BRD8: variants seen among roughly 807,000 people sequenced by gnomAD.
The protein encoded by BRD8 is bromodomain-containing protein 8.
Under a neutral mutation model 143.1 loss-of-function variants are expected in BRD8, and 67 were observed. That is an observed-to-expected ratio of 0.47 (90% CI 0.38 to 0.57). The LOEUF (loss-of-function observed/expected upper bound fraction) is 0.57, where lower values mean the gene tolerates loss of function less well. BRD8 is among the 20% of genes least tolerant of loss of function. BRD8 has a pLI of 0.00. For missense variants in BRD8, 1,103 were observed against 1,503.0 expected (o/e 0.73, Z 4.40); for synonymous variants, 505 against 517.1 (o/e 0.98, Z 0.32).
At chr5:138,143,512 A>C (rs1276229443) in intron 25 of BRD8, among the ~76,000 whole-genome samples, 1 of 152,126 alleles carries the variant, frequency 6.6e-6, no homozygotes, top group East Asian at 1.9e-4. Flanking sequence ...ATAAAATCCC[A>C]AAATACTGAG....
chr5:138,147,219 G>A (rs1018308594), intron 23 of BRD8, among the ~76,000 whole-genome samples: 1 of 150,898 alleles, frequency 6.6e-6, no homozygotes, highest in African/African-American at 2.4e-5. Context: ...ATTGCTTGAA[G>A]CCAGGAGTTC....
At chr5:138,175,875 C>T (rs1352605942) in intron 2 of BRD8, among the ~76,000 whole-genome samples, 5 of 124,074 alleles carry the variant, frequency 4.0e-5, no homozygotes, top group Non-Finnish European at 6.3e-5. Context: ...GATCGCACTA[C>T]TGCACTCCAG....
intron 24 of BRD8, 105 bp downstream of exon 24, chr5:138,145,684 T>C: frequency 2.0e-6 from 2 of 985,034 alleles, no homozygotes; most frequent in Admixed American, 4.0e-5. Context: ...ACCTTTCAAC[T>C]ATGGCTCATT....
chr5:138,175,415 G>A (rs1381886875), intron 2 of BRD8, among the ~76,000 whole-genome samples: 1 of 152,052 alleles, frequency 6.6e-6, no homozygotes. Context: ...TACCGAGAAA[G>A]GTAAAATGAT....
chr5:138,167,912 TAAAGGA>T lies in BRD8; in HGVS notation c.787+16_787+21del, dbSNP rs759768108. On this transcript the variant is annotated intron_variant, in intron 9 of 26. Coordinates refer to ENST00000254900, the MANE Select transcript of BRD8 (RefSeq NM_139199.2). ...TCAAGTTCAACACCTTTGAGGTTGA[TAAAGGA>T]AAAGTGGTAACTTACCTGATGCAGC... 1.1e-5 allele frequency: 18 copies of T among 1,609,872 alleles called. No homozygotes were observed. The highest frequency in any genetic ancestry group is 4.5e-5 in the East Asian group (2 of 44,874).
At chr5:138,148,303 A>G (rs1161402310) in intron 23 of BRD8, among the ~76,000 whole-genome samples, 1 of 152,112 alleles carries the variant, frequency 6.6e-6, no homozygotes, top group Non-Finnish European at 1.5e-5. Context: ...GACATAAACA[A>G]TCCCCTAAGA....
chr5:138,172,862 C>CAA, intron 2 of BRD8: 4 of 266,040 alleles, frequency 1.5e-5, no homozygotes, highest in South Asian at 3.1e-5. Flanking sequence ...CTCCGCCATT[C>CAA]AAAAAAAAAA....
rs998408009 is a variant in BRD8 at position 138,145,704 on chromosome 5, A to G, written c.3368+85T>C. On this transcript the variant is annotated intron_variant, in intron 24 of 26. Coordinates refer to ENST00000254900, the MANE Select transcript of BRD8 (RefSeq NM_139199.2). ...TCAACTATGGCTCATTTGAGGGATG[A>G]ACATATCTCCTTTTATGCTTAAACC... The G allele has an allele frequency of 9.2e-6, 11 of 1,193,326 alleles. No homozygotes were observed. The African/African-American group carries it at 1.6e-4, about 18-fold the overall frequency. 73.9% of individuals were successfully genotyped at this position (1,193,326 alleles called of 1,614,324 possible).
Position 138,140,163 on chromosome 5 carries a change from G to A in BRD8, c.3619C>T (p.Leu1207=). Residue 1207 remains leucine (L), a synonymous_variant, in exon 27 of 27, where the codon CTG becomes TTG. Transcript: ENST00000254900. ...TTTCTTTTGTCTAACCAGATATTCA[G>A]TACCTAAAGGGTTAAGGAACACATA... is the stretch of plus-strand genomic sequence containing the variant. ...RQEVLEQIQV[L]NIWLDKRKGS... 6.2e-7 allele frequency: 1 copy of A among 1,608,178 alleles called. No homozygotes were observed. Among genetic ancestry groups the A allele is most frequent in the South Asian group, 1.1e-5 (1 of 90,932 alleles).
rs1370100542 is a variant in BRD8, at chr5:138,164,146, G to A, written c.1826-13C>T. ...TCTTTCAATGAGTCTGCAGAGGAGA[G>A]AAAGACTACCTGAAGATTTTTCCAC... On this transcript the variant is annotated splice_polypyrimidine_tract_variant and intron_variant, in intron 13 of 26. Transcript: ENST00000254900. The A allele has an allele frequency of 6.2e-7, 1 of 1,613,836 alleles. No homozygotes were observed. The highest frequency in any genetic ancestry group is 8.5e-7 in the Non-Finnish European group (1 of 1,179,824).
chr5:138,166,704 A>G lies in BRD8; in HGVS notation c.811T>C (p.Leu271=), dbSNP rs1175055924. ...ASGAPTLSRL[L]EAGPTQFTTP... is the part of the protein sequence containing the mutation. Reference sequence around the variant, plus strand: ...GTGAACTGTGTAGGACCAGCTTCTAAAAGCCGGGAAAGAGTGGGAGCACCT... The same window carrying G: ...GTGAACTGTGTAGGACCAGCTTCTAGAAGCCGGGAAAGAGTGGGAGCACCT... Residue 271 remains leucine (L), a synonymous_variant, in exon 10 of 27, where the codon TTA becomes CTA. Coordinates refer to ENST00000254900, the MANE Select transcript of BRD8 (RefSeq NM_139199.2). The G allele has an allele frequency of 1.9e-6, 3 of 1,612,782 alleles. No homozygotes were observed. The highest frequency in any genetic ancestry group is 2.5e-6 in the Non-Finnish European group (3 of 1,179,008).
chr5:138,141,446 A>T lies in BRD8; in HGVS notation c.3438-564T>A, dbSNP rs1005294210. ...CCCCCGGCCTTATTATCTCCATTTC[A>T]CAGATGAAGAAATTGAAATCTAAAG... On this transcript the variant is annotated intron_variant, in intron 25 of 26. Transcript: ENST00000254900. Among the ~76,000 whole-genome samples, 8 of 152,202 alleles carry T rather than the reference A, an allele frequency of 5.3e-5. No homozygotes were observed. In the East Asian group the frequency reaches 1.5e-3, roughly 29 times the overall value.
intron 25 of BRD8, among the ~76,000 whole-genome samples, chr5:138,142,806 C>T (rs1403544840): frequency 1.3e-5 from 2 of 151,202 alleles, no homozygotes; most frequent in Admixed American, 1.3e-4. Flanking sequence ...GATTACCTGC[C>T]TGTAATCCCA....
intron 22 of BRD8, 66 bp downstream of exon 22, chr5:138,150,679 A>AACT: frequency 6.6e-7 from 1 of 1,512,046 alleles, no homozygotes; most frequent in South Asian, 1.3e-5. Context: ...TATGTGCTCT[A>AACT]ACTACTCTGT....
In BRD8 at chr5:138,152,542, C is replaced by T. The variant is rs369431228; in HGVS notation, c.2796G>A (p.Glu932=). The T allele has an allele frequency of 1.2e-6, 2 of 1,614,094 alleles. No individual in the cohort carries two copies. Among genetic ancestry groups the T allele is most frequent in the Non-Finnish European group, 1.7e-6 (2 of 1,180,058 alleles). ...SELLVGDGGS[E]ESQEAARKAS... Reference sequence around the variant, plus strand: ...CTTTCCTTGCCGCTTCCTGAGATTCCTCACTGCCTCCATCCCCAACAAGCA... The same window carrying T: ...CTTTCCTTGCCGCTTCCTGAGATTCTTCACTGCCTCCATCCCCAACAAGCA... Residue 932 remains glutamate (E), a synonymous_variant, in exon 21 of 27, where the codon GAG becomes GAA. Transcript: ENST00000254900.
intron 17 of BRD8, 33 bp from the exon 18 acceptor site, chr5:138,161,101 G>A: frequency 3.8e-6 from 6 of 1,562,322 alleles, no homozygotes; most frequent in Non-Finnish European, 5.2e-6. Flanking sequence ...AGTAGCAGTG[G>A]GGATGGAAAG....
chr5:138,152,557 C>A lies in BRD8; in HGVS notation c.2781G>T (p.Gly927=). The A allele has an allele frequency of 6.2e-7, 1 of 1,614,170 alleles. No homozygotes were observed. The highest frequency in any genetic ancestry group is 8.5e-7 in the Non-Finnish European group (1 of 1,180,044). ...CCTGAGATTCCTCACTGCCTCCATC[C>A]CCAACAAGCAGTTCACTAGGTTCTC... ...PEREPSELLV[G]DGGSEESQEA... The change falls in exon 21 of 27, where the codon GGG becomes GGT. Residue 927 remains glycine (G), a synonymous_variant. Transcript: ENST00000254900.
intron 20 of BRD8, among the ~76,000 whole-genome samples, chr5:138,158,559 C>T (rs1016295472): frequency 6.6e-6 from 1 of 151,802 alleles, no homozygotes; most frequent in Admixed American, 6.6e-5. Context: ...CTGCCTTAGC[C>T]TCCCGAGTAG....
chr5:138,161,268 G>T lies in BRD8; in HGVS notation c.2250-200C>A, dbSNP rs747545347. On this transcript the variant is annotated intron_variant, in intron 17 of 26. Coordinates refer to ENST00000254900, the MANE Select transcript of BRD8 (RefSeq NM_139199.2). ...AATAAGCATTGAGAAAGGTAATAAAGGGAGTTTATTTAGGTTTTTTTTGGA... is the reference window on the plus strand; with the variant it reads ...AATAAGCATTGAGAAAGGTAATAAATGGAGTTTATTTAGGTTTTTTTTGGA... The T allele has an allele frequency of 8.6e-6, 4 of 464,444 alleles. No individual in the cohort carries two copies. In the Admixed American group the frequency reaches 1.6e-4, roughly 18 times the overall value. The allele number at this position is 464,444 out of a possible 1,614,324, so 28.8% of individuals were successfully genotyped here. A position where few individuals can be genotyped will look rare whatever the true frequency, so the allele number is the denominator to read the frequency against.
Sources: allele counts gnomAD v4.1 joint callset (sites outside exome capture counted in the v4.1 genomes callset), GRCh38; gene constraint gnomAD v4.1.1; transcripts MANE v1.5; gene names NCBI Gene and HGNC (gene_info 2026-07-23, HGNC 2026-07-21).